The following RBMS1 variants were observed in gnomAD, a reference collection of about 807,000 sequenced individuals.
The protein encoded by RBMS1 is RNA binding motif single stranded interacting protein 1.
RBMS1 carries 17 observed loss-of-function variants against 62.3 expected under a neutral mutation model. The observed-to-expected ratio is 0.27, with a 90% CI of 0.19 to 0.41. The LOEUF is 0.41. Ranked by LOEUF, RBMS1 falls within the 10% of genes least tolerant of loss-of-function variation. RBMS1 has a pLI of 1.00. For missense variants in RBMS1, 334 were observed against 504.5 expected, an observed-to-expected ratio of 0.66 and a Z score of 3.24; for synonymous variants, 172 against 170.0, an observed-to-expected ratio of 1.01 and a Z score of -0.09.
rs1320597144 is a variant in RBMS1 at position 160,272,625 on chromosome 2, A to G, written c.*2147T>C. On this transcript the variant is annotated 3_prime_UTR_variant, in exon 14 of 14. Coordinates refer to ENST00000348849, the MANE Select transcript of RBMS1 (RefSeq NM_016836.4). ...TGTCTTAACTAATGCAAAAATATCA[A>G]GTAGTGAGAGACCCAGGTTTATAAC... The G allele has an allele frequency of 2.0e-5, 3 of 152,182 alleles. No homozygotes were observed. The highest frequency in any genetic ancestry group is 2.0e-4 in the Admixed American group (3 of 15,282). The allele number at this position is 152,182 out of a possible 1,614,324, so 9.4% of individuals were successfully genotyped here. A position where few individuals can be genotyped will look rare whatever the true frequency, so the allele number is the denominator to read the frequency against.
intron 4 of RBMS1, among the ~76,000 whole-genome samples, chr2:160,307,361 G>GGAA (rs1553504684): frequency 1.7e-4 from 15 of 85,790 alleles, no homozygotes; most frequent in Admixed American, 5.5e-4. Flanking sequence ...CCTATTTATT[G>GGAA]AAAAAAAAAA....
At chr2:160,297,423 C>A (rs1239479432) in intron 6 of RBMS1, among the ~76,000 whole-genome samples, 2 of 152,156 alleles carry the variant, frequency 1.3e-5, no homozygotes, top group African/African-American at 4.8e-5. Context: ...CCTGGTGTTA[C>A]AGTGTAGTAA....
intron 1 of RBMS1, among the ~76,000 whole-genome samples, chr2:160,476,846 G>A (rs917119557): frequency 6.6e-5 from 10 of 152,036 alleles, no homozygotes; most frequent in South Asian, 2.1e-4. Flanking sequence ...GAGCCACCGC[G>A]CCCGGCCCAA....
At position 160,272,300 on chromosome 2, in the gene RBMS1, C is replaced by G. The variant is rs1367533513; in HGVS notation, c.*2472G>C. The G allele has an allele frequency of 2.0e-5, 3 of 151,986 alleles. No homozygotes were observed. Among genetic ancestry groups the G allele is most frequent in the African/African-American group, 7.3e-5 (3 of 41,378 alleles). The allele number at this position is 151,986 out of a possible 1,614,324, so 9.4% of individuals were successfully genotyped here. On this transcript the variant is annotated 3_prime_UTR_variant, in exon 14 of 14. Coordinates refer to ENST00000348849, the MANE Select transcript of RBMS1 (RefSeq NM_016836.4). Reference sequence around the variant, plus strand: ...AACTACAGAGTTATCTTGAACCGGACAAATAAGTTACCACTGGCAAGTCTG... The same window carrying G: ...AACTACAGAGTTATCTTGAACCGGAGAAATAAGTTACCACTGGCAAGTCTG...
intron 1 of RBMS1, among the ~76,000 whole-genome samples, chr2:160,467,411 C>T (rs1171613446): frequency 6.6e-6 from 1 of 152,158 alleles, no homozygotes; most frequent in African/African-American, 2.4e-5. Flanking sequence ...TCTAAGTGAA[C>T]CTTATGCACA....
chr2:160,313,394 T>A, intron 3 of RBMS1, 147 bp from the exon 4 acceptor site: 1 of 662,194 alleles, frequency 1.5e-6, no homozygotes. Context: ...TGCAGGCCAG[T>A]GGCCTCCTGG....
chr2:160,313,626 G>C (rs1009042525), intron 3 of RBMS1, among the ~76,000 whole-genome samples: 1 of 151,766 alleles, frequency 6.6e-6, no homozygotes. Flanking sequence ...TTAATGATTC[G>C]GTAAGAAAGA....
chr2:160,403,859 A>T (rs1695555047), intron 1 of RBMS1, among the ~76,000 whole-genome samples: 1 of 152,248 alleles, frequency 6.6e-6, no homozygotes, highest in African/African-American at 2.4e-5. Context: ...AAATGGAAGG[A>T]AACAGGAAGA....
At chr2:160,493,228 A>AC in intron 1 of RBMS1, 61 bp downstream of exon 1, 1 of 1,506,842 alleles carries the variant, frequency 6.6e-7, no homozygotes, top group Non-Finnish European at 9.2e-7. Flanking sequence ...CCCAGGCCTG[A>AC]CCCTGCGCGC....
At chr2:160,286,480 G>A (rs1688404781) in intron 7 of RBMS1, among the ~76,000 whole-genome samples, 1 of 151,770 alleles carries the variant, frequency 6.6e-6, no homozygotes, top group African/African-American at 2.4e-5. Context: ...CCACCACGCA[G>A]GGCTAATTTT....
chr2:160,387,175 T>C (rs1216014876), intron 1 of RBMS1, among the ~76,000 whole-genome samples: 1 of 152,154 alleles, frequency 6.6e-6, no homozygotes, highest in African/African-American at 2.4e-5. Flanking sequence ...GCCCTATATA[T>C]GGTTGTCAGT....
chr2:160,316,297 A>T (rs1029016677), intron 3 of RBMS1, among the ~76,000 whole-genome samples: 2 of 152,104 alleles, frequency 1.3e-5, no homozygotes, highest in African/African-American at 4.8e-5. Flanking sequence ...AACCCACCAG[A>T]TATCTGTTGA....
chr2:160,287,475 T>A (rs10201233), intron 6 of RBMS1, among the ~76,000 whole-genome samples: 3,591 of 152,276 alleles, frequency 0.024, 134 homozygotes, highest in African/African-American at 0.079. Context: ...TCCCTTAGCG[T>A]CCCATTATAA....
At chr2:160,492,699 G>A (rs1389382899) in intron 1 of RBMS1, among the ~76,000 whole-genome samples, 3 of 152,212 alleles carry the variant, frequency 2.0e-5, no homozygotes, top group Non-Finnish European at 4.4e-5. Flanking sequence ...CAGTAACCAG[G>A]TGAAGTGCCA....
chr2:160,426,014 G>A (rs1682540323), intron 1 of RBMS1, among the ~76,000 whole-genome samples: 1 of 151,922 alleles, frequency 6.6e-6, no homozygotes, highest in South Asian at 2.1e-4. Flanking sequence ...CACTTAAGAA[G>A]GAAATAATTT....
At chr2:160,479,697 C>T (rs758115577) in intron 1 of RBMS1, among the ~76,000 whole-genome samples, 1 of 152,162 alleles carries the variant, frequency 6.6e-6, no homozygotes, top group African/African-American at 2.4e-5. Flanking sequence ...GCTTCTGTCT[C>T]TACACTCTGG....
chr2:160,334,115 T>C (rs1691431699), intron 2 of RBMS1, among the ~76,000 whole-genome samples: 1 of 152,160 alleles, frequency 6.6e-6, no homozygotes, highest in African/African-American at 2.4e-5. Context: ...TCCATCAATG[T>C]TCACAGAGCA....
intron 2 of RBMS1, among the ~76,000 whole-genome samples, chr2:160,364,081 T>C (rs1319689852): frequency 6.6e-6 from 1 of 152,182 alleles, no homozygotes; most frequent in African/African-American, 2.4e-5. Flanking sequence ...AATATTGCAT[T>C]GGCAAATATT....
chr2:160,471,599 T>C (rs1214699970), intron 1 of RBMS1, among the ~76,000 whole-genome samples: 1 of 149,604 alleles, frequency 6.7e-6, no homozygotes. Context: ...AGCAACTGGT[T>C]GATCTCTCGC....
Sources: gnomAD v4.1 joint callset for allele counts (sites outside exome capture counted in the v4.1 genomes callset) on GRCh38, gnomAD v4.1.1 for gene constraint, MANE v1.5 for transcripts, NCBI Gene and HGNC (gene_info 2026-07-23, HGNC 2026-07-21) for gene names.